MYRIP: variants seen among roughly 807,000 people sequenced by gnomAD.
The protein encoded by MYRIP is rab effector MyRIP.
A neutral mutation model predicts 98.0 loss-of-function variants in MYRIP; 49 were observed. The ratio of observed to expected loss-of-function variants is 0.50; its 90% CI spans 0.40 to 0.63. The LOEUF is 0.63. MYRIP is among the 30% of genes least tolerant of loss of function. MYRIP has a pLI of 0.00. For missense variants in MYRIP, 1,004 were observed against 1,058.2 expected, an observed-to-expected ratio of 0.95 and a Z score of 0.71; for synonymous variants, 404 against 409.5, an observed-to-expected ratio of 0.99 and a Z score of 0.16.
chr3:40,079,151 G>A (rs1378525119), intron 3 of MYRIP, among the ~76,000 whole-genome samples: 1 of 152,210 alleles, frequency 6.6e-6, no homozygotes, highest in Non-Finnish European at 1.5e-5. Context: ...GATTTTAAAT[G>A]TGGTACTTAG....
chr3:40,002,341 C>A lies in MYRIP; in HGVS notation c.111-41709C>A, dbSNP rs181187622. Among the ~76,000 whole-genome samples the A allele has an allele frequency of 5.9e-5, 9 of 152,256 alleles. No individual in the cohort carries two copies. In the East Asian group the frequency reaches 1.7e-3, roughly 29 times the overall value. On this transcript the variant is annotated intron_variant, in intron 2 of 16. Transcript: ENST00000302541. ...CCTGAGGTCAGGAGTTCGAGACCAGCCTGGCCAACATGGTGAAACCCCATC... is the reference window on the plus strand; with the variant it reads ...CCTGAGGTCAGGAGTTCGAGACCAGACTGGCCAACATGGTGAAACCCCATC...
At chr3:40,137,465 A>G (rs1024860088) in intron 3 of MYRIP, among the ~76,000 whole-genome samples, 1 of 152,204 alleles carries the variant, frequency 6.6e-6, no homozygotes, top group African/African-American at 2.4e-5. Context: ...ACAAGGAGGA[A>G]CTGGTACCAT....
chr3:40,237,694 A>G (rs1342656629), intron 12 of MYRIP, among the ~76,000 whole-genome samples: 1 of 152,206 alleles, frequency 6.6e-6, no homozygotes, highest in African/African-American at 2.4e-5. Flanking sequence ...CTGTTCTTTA[A>G]ATGTGTCTCT....
chr3:39,945,343 A>C (rs1195734700), intron 2 of MYRIP, among the ~76,000 whole-genome samples: 1 of 144,138 alleles, frequency 6.9e-6, no homozygotes, highest in Non-Finnish European at 1.5e-5. Context: ...AAAGCTGTGC[A>C]TGATGGTGTA....
intron 2 of MYRIP, among the ~76,000 whole-genome samples, chr3:40,021,509 G>C (rs528147928): frequency 1.3e-5 from 2 of 152,320 alleles, no homozygotes; most frequent in East Asian, 3.9e-4. Context: ...GTTCATCTTA[G>C]ATGAGTGACA....
intron 10 of MYRIP, among the ~76,000 whole-genome samples, chr3:40,201,396 G>T (rs1027028232): frequency 6.9e-6 from 1 of 145,192 alleles, no homozygotes; most frequent in African/African-American, 2.6e-5. Flanking sequence ...TGTGCTCCAG[G>T]TTAGATTCAG....
chr3:40,103,337 A>G (rs1477220916), intron 3 of MYRIP, among the ~76,000 whole-genome samples: 3 of 152,204 alleles, frequency 2.0e-5, no homozygotes, highest in Non-Finnish European at 4.4e-5. Context: ...ACTCTCATAC[A>G]TACTCTTAAA....
intron 3 of MYRIP, among the ~76,000 whole-genome samples, chr3:40,067,730 G>A (rs796389370): frequency 1.1e-4 from 17 of 150,620 alleles, no homozygotes; most frequent in East Asian, 9.9e-4. Flanking sequence ...TTTCTGGTAC[G>A]CACGAGATAC....
chr3:39,850,659 A>C (rs991290592), intron 1 of MYRIP, among the ~76,000 whole-genome samples: 7 of 152,244 alleles, frequency 4.6e-5, no homozygotes, highest in Non-Finnish European at 1.0e-4. Flanking sequence ...TCACAAATTC[A>C]GAATTGGTGA....
intron 3 of MYRIP, among the ~76,000 whole-genome samples, chr3:40,082,757 C>T (rs1478706569): frequency 6.6e-6 from 1 of 152,190 alleles, no homozygotes; most frequent in Non-Finnish European, 1.5e-5. Context: ...AAATGGGCCT[C>T]CTAATCATGA....
intron 3 of MYRIP, among the ~76,000 whole-genome samples, chr3:40,127,091 T>C (rs1949539585): frequency 1.3e-5 from 2 of 152,228 alleles, no homozygotes; most frequent in South Asian, 4.1e-4. Context: ...TGGTGGTCCA[T>C]ATAGAATAAC....
chr3:40,034,746 T>C (rs1947339048), intron 2 of MYRIP, among the ~76,000 whole-genome samples: 2 of 151,784 alleles, frequency 1.3e-5, no homozygotes, highest in Non-Finnish European at 2.9e-5. Context: ...GGATTATAAA[T>C]CATGCTGCTA....
chr3:39,858,852 C>G (rs1234306222), intron 1 of MYRIP, among the ~76,000 whole-genome samples: 4 of 151,648 alleles, frequency 2.6e-5, no homozygotes, highest in African/African-American at 4.8e-5. Context: ...AAAATGGAAA[C>G]ACCATAAACC....
intron 1 of MYRIP, among the ~76,000 whole-genome samples, chr3:39,858,554 T>C (rs1339525136): frequency 2.2e-5 from 3 of 137,984 alleles, no homozygotes; most frequent in Non-Finnish European, 3.0e-5. Flanking sequence ...AACAGACATA[T>C]ATAGAACTTT....
chr3:40,125,211 G>A (rs545746959), intron 3 of MYRIP, among the ~76,000 whole-genome samples: 1 of 152,166 alleles, frequency 6.6e-6, no homozygotes, highest in South Asian at 2.1e-4. Flanking sequence ...TCTCTAGAGG[G>A]ACAGAACTAA....
chr3:39,917,447 T>A (rs114348830), intron 2 of MYRIP, among the ~76,000 whole-genome samples: 3,378 of 120,446 alleles, frequency 0.028, 96 homozygotes, highest in East Asian at 0.1. Context: ...AAAGAAAATT[T>A]AAAAAAAATA....
chr3:40,034,063 A>C (rs896945069), intron 2 of MYRIP, among the ~76,000 whole-genome samples: 5 of 152,164 alleles, frequency 3.3e-5, no homozygotes, highest in Admixed American at 6.6e-5. Context: ...CCTTATACAA[A>C]AATTAATTCA....
chr3:40,218,053 A>C (rs985248139), intron 11 of MYRIP, among the ~76,000 whole-genome samples: 1 of 152,186 alleles, frequency 6.6e-6, no homozygotes, highest in Admixed American at 6.5e-5. Context: ...AATATAAAGA[A>C]AAAATTATAT....
chr3:39,897,301 C>T (rs1291923109), intron 1 of MYRIP, among the ~76,000 whole-genome samples: 2 of 152,152 alleles, frequency 1.3e-5, no homozygotes, highest in African/African-American at 4.8e-5. Context: ...TGTGTAAGCC[C>T]CATGAAGGCA....
Sources: gnomAD v4.1 joint callset for allele counts (sites outside exome capture counted in the v4.1 genomes callset) on GRCh38, gnomAD v4.1.1 for gene constraint, MANE v1.5 for transcripts, NCBI Gene and HGNC (gene_info 2026-07-23, HGNC 2026-07-21) for gene names.